The following SNX13 variants were observed in gnomAD, a reference collection of about 807,000 sequenced individuals.
SNX13 encodes the protein sorting nexin 13.
A neutral mutation model predicts 133.6 loss-of-function variants in SNX13; 45 were observed. That is an observed-to-expected ratio of 0.34 (90% confidence interval 0.27 to 0.43). SNX13 has a LOEUF of 0.43. Ranked by LOEUF, SNX13 falls within the 20% of genes least tolerant of loss-of-function variation. The pLI is 1.00. For synonymous variants in SNX13, 414 were observed against 373.9 expected, an observed-to-expected ratio of 1.11 and a Z score of -1.24; for missense variants, 1,032 against 1,145.1, an observed-to-expected ratio of 0.90 and a Z score of 1.43.
At chr7:17,825,257 AACTAGACTAGACTAGACTAGACTAG>A (rs3056689) in intron 17 of SNX13, among the ~76,000 whole-genome samples, 1,677 of 146,510 alleles carry the variant, frequency 0.011, 17 homozygotes, top group Non-Finnish European at 0.018. Flanking sequence ...AACTAGATTA[AACTAGACTAGACTAGACTAGACTAG>A]ACTAGACTAG....
intron 5 of SNX13, among the ~76,000 whole-genome samples, chr7:17,878,107 T>C (rs957914492): frequency 2.0e-5 from 3 of 152,158 alleles, no homozygotes; most frequent in Non-Finnish European, 2.9e-5. Flanking sequence ...ATTTATGTAA[T>C]AGCCATACTT....
intron 13 of SNX13, among the ~76,000 whole-genome samples, chr7:17,838,391 T>C (rs1335231529): frequency 6.6e-6 from 1 of 151,968 alleles, no homozygotes; most frequent in Non-Finnish European, 1.5e-5. Context: ...CCAGTCTAGC[T>C]AAAGGTTTGA....
intron 20 of SNX13, among the ~76,000 whole-genome samples, chr7:17,805,646 G>A (rs1785207237): frequency 6.6e-6 from 1 of 152,166 alleles, no homozygotes; most frequent in African/African-American, 2.4e-5. Context: ...CTTCACAGCA[G>A]AAACTTGAGT....
rs139545657 is a variant in SNX13, at chr7:17,891,282, T to C, written c.318+264A>G. Reference sequence around the variant, plus strand: ...CAACGAAAGAGTAACACTTTAACTGTAAAATTTTAAGAAACACTATCAAAT... The same window carrying C: ...CAACGAAAGAGTAACACTTTAACTGCAAAATTTTAAGAAACACTATCAAAT... On this transcript the variant is annotated intron_variant, in intron 4 of 25. Transcript: ENST00000428135. Among the ~76,000 whole-genome samples, 58 of 152,138 alleles carry C rather than the reference T, an allele frequency of 3.8e-4. No individual in the cohort carries two copies. In the East Asian group the frequency reaches 8.3e-3, roughly 22 times the overall value.
rs1390405224 is a variant in SNX13 at position 17,875,765 on chromosome 7, A to G, written c.466T>C (p.Tyr156His). ...TRSKEIDWQP[Y>H]FTTRIVDDFG... Reference sequence around the variant, plus strand: ...TCATCTACAATGCGTGTAGTAAAATAAGGTTGCCAGTCTATTTCTTTTGAC... The same window carrying G: ...TCATCTACAATGCGTGTAGTAAAATGAGGTTGCCAGTCTATTTCTTTTGAC... The change falls in exon 6 of 26, where the codon TAT becomes CAT. Residue 156 changes from tyrosine to histidine, a missense_variant. Tyr to His is a moderately conservative substitution (Grantham distance 83). Coordinates refer to ENST00000428135, the MANE Select transcript of SNX13 (RefSeq NM_015132.5). 6 of 1,607,344 alleles carry G rather than the reference A, an allele frequency of 3.7e-6. No homozygotes were observed. The East Asian group carries it at 1.3e-4, about 36-fold the overall frequency.
chr7:17,851,049 A>G, intron 9 of SNX13, 85 bp from the exon 10 acceptor site: 1 of 1,393,930 alleles, frequency 7.2e-7, no homozygotes, highest in South Asian at 1.4e-5. Flanking sequence ...ACTATGTGCT[A>G]GGACAATTTG....
intron 1 of SNX13, among the ~76,000 whole-genome samples, chr7:17,928,722 A>G (rs1459241859): frequency 6.6e-6 from 1 of 152,218 alleles, no homozygotes; most frequent in African/African-American, 2.4e-5. Flanking sequence ...GTAGGTGTTA[A>G]GATAACTTTC....
chr7:17,799,021 T>A lies in SNX13; in HGVS notation c.2432A>T (p.Asp811Val), dbSNP rs1319965413. The A allele has an allele frequency of 1.9e-6, 3 of 1,609,516 alleles. No individual in the cohort carries two copies. Among genetic ancestry groups the A allele is most frequent in the South Asian group, 2.2e-5 (2 of 90,582 alleles). The change falls in exon 23 of 26, where the codon GAT (aspartate) becomes GTT (valine). Residue 811 changes from aspartate (D) to valine (V), a missense_variant. By Grantham distance (152) the Asp-to-Val change is radical. Transcript: ENST00000428135. ...GAAAGAGTGCTACCTATTAATAGTA[T>A]CGCCATATGTAGCTCTAATAAGCTG... is the stretch of plus-strand genomic sequence containing the variant. ...LQQLIRATYG[D>V]TINRKIVDHV...
intron 9 of SNX13, among the ~76,000 whole-genome samples, chr7:17,863,780 G>A (rs1283383608): frequency 6.6e-6 from 1 of 152,226 alleles, no homozygotes; most frequent in Non-Finnish European, 1.5e-5. Flanking sequence ...CCATGACAGT[G>A]TCCATGTCAC....
chr7:17,795,522 C>T (rs1783951476), intron 25 of SNX13: 2 of 151,708 alleles, frequency 1.3e-5, no homozygotes, highest in African/African-American at 2.4e-5. Flanking sequence ...CCATCTAAAA[C>T]TGCAACTCAT....
At chr7:17,940,207 A>G in intron 1 of SNX13, 77 bp downstream of exon 1, 1 of 1,541,890 alleles carries the variant, frequency 6.5e-7, no homozygotes, top group Non-Finnish European at 8.8e-7. Context: ...CCTTCCGTAC[A>G]GATGATGTTC....
chr7:17,802,755 CA>C (rs1214525928), intron 21 of SNX13, among the ~76,000 whole-genome samples: 1 of 152,054 alleles, frequency 6.6e-6, no homozygotes, highest in Non-Finnish European at 1.5e-5. Flanking sequence ...CTATCAAGTA[CA>C]AAATTCTAAT....
intron 1 of SNX13, among the ~76,000 whole-genome samples, chr7:17,915,553 G>C (rs1247811595): frequency 6.6e-6 from 1 of 152,162 alleles, no homozygotes; most frequent in Non-Finnish European, 1.5e-5. Flanking sequence ...TCCTCTGACT[G>C]TGGTGGAGCA....
intron 1 of SNX13, among the ~76,000 whole-genome samples, chr7:17,915,017 T>C (rs1481920125): frequency 6.6e-6 from 1 of 152,154 alleles, no homozygotes; most frequent in East Asian, 1.9e-4. Flanking sequence ...AAATAAATGG[T>C]TGAAGAAGGA....
Position 17,805,250 on chromosome 7 carries a change from T to TGTGTGTGTGTGTGCGC in SNX13, c.2065-1671_2065-1670insGCGCACACACACACAC. Reference sequence around the variant, plus strand: ...GTGTGTGTGTGTGTGTGTGTGTGTGTGCGTGCGCGCGCGCGCATGCATGCA... The same window carrying TGTGTGTGTGTGTGCGC: ...GTGTGTGTGTGTGTGTGTGTGTGTGTGTGTGTGTGTGTGCGCGCGTGCGCGCGCGCGCATGCATGCA... On this transcript the variant is annotated intron_variant, in intron 20 of 25. Coordinates refer to ENST00000428135, the MANE Select transcript of SNX13 (RefSeq NM_015132.5). Among the ~76,000 whole-genome samples, 488 of 95,556 alleles carry TGTGTGTGTGTGTGCGC rather than the reference T, an allele frequency of 5.1e-3. 11 individuals carry two copies. Among genetic ancestry groups the TGTGTGTGTGTGTGCGC allele is most frequent in the South Asian group, 0.016 (51 of 3,288 alleles). 62.7% of individuals were successfully genotyped at this position (95,556 alleles called of 152,430 possible). A position where few individuals can be genotyped will look rare whatever the true frequency, so the allele number is the denominator to read the frequency against.
rs1390126662 is a variant in SNX13 at position 17,940,352 on chromosome 7, A to T, written c.-57T>A. 1 of 1,553,382 alleles carries T rather than the reference A, an allele frequency of 6.4e-7. No homozygotes were observed. Among genetic ancestry groups the T allele is most frequent in the Admixed American group, 1.9e-5 (1 of 51,462 alleles). ...AGCCTCGCCTCATGGCAACAGCCGTAGCAGCAGCGAAAACTGCTCGGGCCG... is the reference window on the plus strand; with the variant it reads ...AGCCTCGCCTCATGGCAACAGCCGTTGCAGCAGCGAAAACTGCTCGGGCCG... On this transcript the variant is annotated 5_prime_UTR_variant, in exon 1 of 26. Transcript: ENST00000428135.
intron 3 of SNX13, among the ~76,000 whole-genome samples, chr7:17,892,615 A>G (rs1454231779): frequency 6.6e-6 from 1 of 152,052 alleles, no homozygotes; most frequent in African/African-American, 2.4e-5. Context: ...AGTGGAATAG[A>G]GTGAAATTCT....
At chr7:17,892,144 G>A (rs528286104) in intron 3 of SNX13, among the ~76,000 whole-genome samples, 20 of 151,456 alleles carry the variant, frequency 1.3e-4, no homozygotes, top group African/African-American at 4.6e-4. Flanking sequence ...AAAGGTAGTG[G>A]GAGATTCTTA....
chr7:17,933,064 TCAATCTCCAGCACGA>T (rs1801582935), intron 1 of SNX13, among the ~76,000 whole-genome samples: 1 of 152,180 alleles, frequency 6.6e-6, no homozygotes, highest in African/African-American at 2.4e-5. Context: ...TCCATAAAAA[TCAATCTCCAGCACGA>T]GTTATAACAA....
Sources: gnomAD v4.1 joint callset for allele counts (sites outside exome capture counted in the v4.1 genomes callset) on GRCh38, gnomAD v4.1.1 for gene constraint, MANE v1.5 for transcripts, NCBI Gene and HGNC (gene_info 2026-07-23, HGNC 2026-07-21) for gene names.